The following ROR1 variants were observed in gnomAD, a reference collection of about 807,000 sequenced individuals.
ROR1 encodes the protein inactive tyrosine-protein kinase transmembrane receptor ROR1.
In ROR1, 19 loss-of-function variants were observed where a neutral mutation model predicts 78.8. The observed-to-expected ratio is 0.24, with a 90% confidence interval of 0.17 to 0.35. ROR1 has a LOEUF of 0.35. ROR1 is among the 10% of genes least tolerant of loss of function. The pLI is 1.00. For synonymous variants in ROR1, 386 were observed against 433.6 expected (o/e 0.89, Z 1.36); for missense variants, 917 against 1,177.8 (o/e 0.78, Z 3.24).
intron 4 of ROR1, among the ~76,000 whole-genome samples, chr1:64,114,514 C>T (rs371647291): frequency 8.9e-4 from 135 of 152,222 alleles, no homozygotes; most frequent in African/African-American, 2.0e-3. Context: ...AACCCCGGCT[C>T]CACAGCCCTG....
At chr1:64,102,568 C>A (rs184061585) in intron 4 of ROR1, among the ~76,000 whole-genome samples, 57 of 152,300 alleles carry the variant, frequency 3.7e-4, no homozygotes, top group African/African-American at 1.3e-3. Context: ...TAAATGTCCA[C>A]TGTATGCCAG....
intron 1 of ROR1, among the ~76,000 whole-genome samples, chr1:63,934,445 T>C (rs1436270827): frequency 6.6e-6 from 1 of 152,184 alleles, no homozygotes; most frequent in East Asian, 1.9e-4. Flanking sequence ...ATCTTCAGCA[T>C]AGTACCTGGC....
chr1:63,936,264 G>A (rs1557571036), intron 1 of ROR1, among the ~76,000 whole-genome samples: 1 of 152,172 alleles, frequency 6.6e-6, no homozygotes, highest in Non-Finnish European at 1.5e-5. Context: ...CGGAGCACTT[G>A]CAATCTATTC....
intron 4 of ROR1, among the ~76,000 whole-genome samples, chr1:64,073,976 G>A (rs1647028739): frequency 6.6e-6 from 1 of 152,216 alleles, no homozygotes; most frequent in Non-Finnish European, 1.5e-5. Flanking sequence ...TTCTTAACGG[G>A]GTTACAGTCT....
At chr1:63,931,833 G>A (rs950688589) in intron 1 of ROR1, among the ~76,000 whole-genome samples, 4 of 152,076 alleles carry the variant, frequency 2.6e-5, no homozygotes, top group African/African-American at 9.7e-5. Context: ...ATATTACTAT[G>A]TTCTGTTTTA....
chr1:63,824,821 G>A (rs980395927), intron 1 of ROR1, among the ~76,000 whole-genome samples: 1 of 152,118 alleles, frequency 6.6e-6, no homozygotes, highest in African/African-American at 2.4e-5. Context: ...ATATTTTGAT[G>A]TGTCTTTTTT....
At chr1:64,020,364 A>G (rs1646555324) in intron 2 of ROR1, among the ~76,000 whole-genome samples, 1 of 152,202 alleles carries the variant, frequency 6.6e-6, no homozygotes. Context: ...TTATTCAACA[A>G]ATGTTTATTC....
At position 64,178,571 on chromosome 1, in the gene ROR1, G is replaced by A. The variant is rs149052330; in HGVS notation, c.2530G>A (p.Val844Met). 4.3e-6 allele frequency: 7 copies of A among 1,614,036 alleles called. No individual in the cohort carries two copies. The highest frequency in any genetic ancestry group is 1.3e-5 in the African/African-American group (1 of 74,924). The change falls in exon 9 of 9, where the codon GTG (valine) becomes ATG (methionine). Residue 844 changes from valine to methionine, a missense_variant. By Grantham distance (21) the Val-to-Met change is conservative. Around this residue, in one of 3 missense-constraint regions of ROR1, gnomAD observed 835 missense variants for 1,069.8 expected, o/e 0.78. Coordinates refer to ENST00000371079, the MANE Select transcript of ROR1 (RefSeq NM_005012.4). This position sits in a 1 kb window ranked among gnomAD's most constrained non-coding sequence, Gnocchi z 4.3. ...AHYQPTGPPR[V>M]IQHCPPPKSR... ...CTACCAGCCAACAGGTCCTCCCAGA[G>A]TGATTCAGCACTGCCCACCTCCCAA...
intron 1 of ROR1, among the ~76,000 whole-genome samples, chr1:63,992,453 G>T (rs539930309): frequency 4.6e-5 from 7 of 152,166 alleles, no homozygotes; most frequent in African/African-American, 1.7e-4. Flanking sequence ...TGATCCACCC[G>T]CCTTGGCCTC....
chr1:64,154,250 C>G (rs978135266), intron 7 of ROR1, among the ~76,000 whole-genome samples: 3 of 152,106 alleles, frequency 2.0e-5, no homozygotes, highest in African/African-American at 7.2e-5. Context: ...GCCTAATTAC[C>G]TCTCTCTCTC....
intron 2 of ROR1, among the ~76,000 whole-genome samples, chr1:64,037,711 C>T (rs1392971908): frequency 2.6e-5 from 4 of 152,146 alleles, no homozygotes; most frequent in Admixed American, 2.0e-4. Flanking sequence ...GCTAGCAATC[C>T]TGCTGGAGGA....
intron 1 of ROR1, among the ~76,000 whole-genome samples, chr1:63,912,743 G>C (rs1451527516): frequency 1.3e-5 from 2 of 152,146 alleles, no homozygotes; most frequent in Non-Finnish European, 2.9e-5. Context: ...GGGAGGGAAT[G>C]ATACGGGCTG....
At chr1:63,795,062 T>C (rs1461175170) in intron 1 of ROR1, among the ~76,000 whole-genome samples, 2 of 152,012 alleles carry the variant, frequency 1.3e-5, no homozygotes, top group Non-Finnish European at 2.9e-5. Context: ...TGAAGGGAGG[T>C]TGGAACCCTG....
At chr1:64,154,688 A>G (rs1649723986) in intron 7 of ROR1, among the ~76,000 whole-genome samples, 2 of 152,190 alleles carry the variant, frequency 1.3e-5, no homozygotes, top group South Asian at 4.1e-4. Flanking sequence ...GTGATACCAA[A>G]TTGTTTGATT....
chr1:63,783,711 C>A (rs994671145), intron 1 of ROR1, among the ~76,000 whole-genome samples: 2 of 152,166 alleles, frequency 1.3e-5, no homozygotes, highest in Non-Finnish European at 2.9e-5. Context: ...GGTAACTACA[C>A]AACTACTTAC....
intron 1 of ROR1, among the ~76,000 whole-genome samples, chr1:64,001,622 C>A (rs190841048): frequency 6.6e-6 from 1 of 152,276 alleles, no homozygotes; most frequent in African/African-American, 2.4e-5. Context: ...TTTCCCTCAA[C>A]CCCACCCAAG....
chr1:64,138,689 C>G (rs1337734720), intron 5 of ROR1, among the ~76,000 whole-genome samples: 1 of 151,700 alleles, frequency 6.6e-6, no homozygotes, highest in Non-Finnish European at 1.5e-5. Flanking sequence ...TTTTAACCAA[C>G]CAAAAGAAGC....
At chr1:64,156,100 C>T (rs1569863312) in intron 7 of ROR1, among the ~76,000 whole-genome samples, 1 of 152,116 alleles carries the variant, frequency 6.6e-6, no homozygotes, top group Admixed American at 6.5e-5. Context: ...CCTGTGAATC[C>T]CCCTCTAGTC....
chr1:64,071,580 C>T (rs746708133), intron 4 of ROR1, among the ~76,000 whole-genome samples: 13 of 112,222 alleles, frequency 1.2e-4, no homozygotes, highest in Non-Finnish European at 2.5e-4. Context: ...ACCACCCACA[C>T]AGACACACAC....
Sources: gnomAD v4.1 joint callset for allele counts (sites outside exome capture counted in the v4.1 genomes callset) on GRCh38, gnomAD v4.1.1 for gene constraint, gnomAD v4.1.1 regional missense constraint, Gnocchi (gnomAD v3.1) non-coding constraint, MANE v1.5 for transcripts, NCBI Gene and HGNC (gene_info 2026-07-23, HGNC 2026-07-21) for gene names.